Variants in ESCO2 observed in about 807,000 individuals in gnomAD.
ESCO2 encodes the protein establishment of sister chromatid cohesion N-acetyltransferase 2, also known as N-acetyltransferase ESCO2.
A neutral mutation model predicts 61.7 loss-of-function variants in ESCO2; 51 were observed. The observed-to-expected ratio is 0.83, with a 90% CI of 0.66 to 1.04. ESCO2 has a LOEUF of 1.04. Among genes scored for constraint, ESCO2 ranks in the 50% least tolerant of loss-of-function variants. ESCO2 has a pLI of 0.00. For synonymous variants in ESCO2, 230 were observed against 238.2 expected (o/e 0.97, Z 0.32); for missense variants, 692 against 686.2 (o/e 1.01, Z -0.09).
At chr8:27,809,322 C>T (rs1434510045), downstream of ESCO2, among the ~76,000 whole-genome samples, 2 of 152,120 alleles carry the variant, frequency 1.3e-5, no homozygotes, top group Non-Finnish European at 2.9e-5. Context: ...TACCAAAAGG[C>T]CTTCAGTGAT....
intron 5 of ESCO2, among the ~76,000 whole-genome samples, chr8:27,785,073 G>A (rs1197621390): frequency 2.0e-5 from 3 of 152,218 alleles, no homozygotes; most frequent in South Asian, 2.1e-4. Context: ...AATTTATTTG[G>A]CTCACAGTTA....
chr8:27,782,580 C>T (rs2128953017), intron 4 of ESCO2, among the ~76,000 whole-genome samples: 1 of 152,198 alleles, frequency 6.6e-6, no homozygotes, highest in Middle Eastern at 3.4e-3. Context: ...CTAATTCAGT[C>T]TCTTTTTCTA....
chr8:27,803,517 ATC>A lies in ESCO2; in HGVS notation c.*80_*81del, dbSNP rs1314769155. 37 of 1,565,950 alleles carry A rather than the reference ATC, an allele frequency of 2.4e-5. No homozygotes were observed. The highest frequency in any genetic ancestry group is 3.6e-4 in the Middle Eastern group (2 of 5,486). Reference sequence around the variant, plus strand: ...TATTATAAAATACAAACTATTTAATATCAAAATAAAAAATACCGAGACTCACA... The same window carrying A: ...TATTATAAAATACAAACTATTTAATAAAAATAAAAAATACCGAGACTCACA... On this transcript the variant is annotated 3_prime_UTR_variant, in exon 11 of 11. Transcript: ENST00000305188.
At chr8:27,783,023 T>C (rs1015880096) in intron 4 of ESCO2, among the ~76,000 whole-genome samples, 2 of 152,202 alleles carry the variant, frequency 1.3e-5, no homozygotes, top group Admixed American at 6.5e-5. Context: ...GTTCATTCTT[T>C]GTGATTTTTA....
At chr8:27,811,070 C>T (rs17057901), downstream of ESCO2, 2 of 1,613,194 alleles carry the variant, frequency 1.2e-6, no homozygotes, top group Admixed American at 1.7e-5. Context: ...TAACACCATT[C>T]TCCTCCACAG....
chr8:27,776,853 G>A lies in ESCO2; in HGVS notation c.545G>A (p.Cys182Tyr). 1 of 1,614,116 alleles carries A rather than the reference G, an allele frequency of 6.2e-7. No individual in the cohort carries two copies. The highest frequency in any genetic ancestry group is 8.5e-7 in the Non-Finnish European group (1 of 1,180,020). The change falls in exon 3 of 11, where the codon TGT becomes TAT. Residue 182 changes from cysteine (C) to tyrosine (Y), a missense_variant. Physicochemically the swap from Cys to Tyr is radical, Grantham distance 194. Transcript: ENST00000305188. Reference protein sequence around the residue: ...YKPIVEKENNCHSAENNSNAP... With the variant: ...YKPIVEKENNYHSAENNSNAP... ...CCAATTGTGGAGAAGGAAAATAATT[G>A]TCATTCAGCTGAAAATAATTCCAAT...
At chr8:27,793,209 C>A (rs578168206) in intron 9 of ESCO2, among the ~76,000 whole-genome samples, 5 of 152,206 alleles carry the variant, frequency 3.3e-5, no homozygotes, top group African/African-American at 1.2e-4. Context: ...CATGTAGTTT[C>A]TCCTTGTGTT....
downstream of ESCO2, among the ~76,000 whole-genome samples, chr8:27,806,221 A>G (rs2128959830): frequency 6.6e-6 from 1 of 152,318 alleles, no homozygotes; most frequent in African/African-American, 2.4e-5. Context: ...GGCAGAAGAC[A>G]TGCACAGAAA....
chr8:27,815,609 C>T (rs1165114490), downstream of ESCO2, among the ~76,000 whole-genome samples: 4 of 152,144 alleles, frequency 2.6e-5, no homozygotes, highest in African/African-American at 4.8e-5. Flanking sequence ...AGTATATACA[C>T]GTATATGTGT....
chr8:27,791,441 C>G (rs1262766305), intron 7 of ESCO2, among the ~76,000 whole-genome samples: 1 of 152,136 alleles, frequency 6.6e-6, no homozygotes, highest in East Asian at 1.9e-4. Context: ...CTTTTCAGTA[C>G]CATAATATTT....
In ESCO2 at chr8:27,803,904, AT is replaced by A. The variant is rs111395487; in HGVS notation, c.*481del. The A allele has an allele frequency of 0.23, 171,071 of 732,154 alleles. 6,286 individuals carry two copies. The highest frequency in any genetic ancestry group is 0.4 in the East Asian group (3,318 of 8,236). The allele number at this position is 732,154 out of a possible 1,614,324, so 45.4% of individuals were successfully genotyped here. A position where few individuals can be genotyped will look rare whatever the true frequency, so the allele number is the denominator to read the frequency against. The stretch of plus-strand genomic sequence containing the variant: ...CCCAATTTGTAAAGGGAATTCCTGA[AT>A]TTTTTTTTTTTTTTAATAGAGGCAT... On this transcript the variant is annotated 3_prime_UTR_variant, in exon 11 of 11. Transcript: ENST00000305188.
chr8:27,788,808 A>G (rs1189083582), intron 6 of ESCO2, 39 bp from the exon 7 acceptor site: 5 of 1,612,900 alleles, frequency 3.1e-6, no homozygotes, highest in Non-Finnish European at 4.2e-6. Context: ...TATTTGTGCT[A>G]TATTTAAATG....
At chr8:27,786,297 C>A (rs1025442745) in intron 5 of ESCO2, among the ~76,000 whole-genome samples, 1 of 152,196 alleles carries the variant, frequency 6.6e-6, no homozygotes, top group African/African-American at 2.4e-5. Flanking sequence ...TGAGCTTTTA[C>A]AGCCTTTTAT....
intron 10 of ESCO2, among the ~76,000 whole-genome samples, chr8:27,801,989 T>A (rs1805438302): frequency 6.7e-6 from 1 of 149,118 alleles, no homozygotes; most frequent in African/African-American, 2.5e-5. Context: ...TTTTTTTTTT[T>A]TTTGCCCAGT....
At chr8:27,784,154 T>G in intron 5 of ESCO2, 97 bp downstream of exon 5, 1 of 1,194,648 alleles carries the variant, frequency 8.4e-7, no homozygotes, top group African/African-American at 1.5e-5. Flanking sequence ...TGGGGAGTTT[T>G]TTTTTCTTCC....
In ESCO2 at chr8:27,776,894, A is replaced by G. The variant is rs950894228; in HGVS notation, c.586A>G (p.Ser196Gly). The G allele has an allele frequency of 6.2e-7, 1 of 1,614,078 alleles. No homozygotes were observed. Among genetic ancestry groups the G allele is most frequent in the African/African-American group, 1.3e-5 (1 of 74,928 alleles). The change falls in exon 3 of 11, where the codon AGC (serine) becomes GGC (glycine). Residue 196 changes from serine to glycine, a missense_variant. Ser to Gly is a moderately conservative substitution (Grantham distance 56). Transcript: ENST00000305188. ...TAATTCCAATGCTCCTCGGGTTCTG[A>G]GCCAAAAAATAAAACCACAAGTTAC... ...ENNSNAPRVL[S>G]QKIKPQVTLQ...
intron 10 of ESCO2, among the ~76,000 whole-genome samples, chr8:27,801,968 C>CCT (rs1805436474): frequency 1.4e-5 from 1 of 72,896 alleles, no homozygotes; most frequent in African/African-American, 4.4e-5. Context: ...TCCTTCATGG[C>CCT]ATTTTTTTTT....
At position 27,777,050 on chromosome 8, in the gene ESCO2, ACTGT is replaced by A. The variant is rs2128951287; in HGVS notation, c.744_747del (p.Ser250LysfsTer16). The A allele has an allele frequency of 7.5e-6, 12 of 1,608,974 alleles. No homozygotes were observed. The highest frequency in any genetic ancestry group is 9.3e-6 in the Non-Finnish European group (11 of 1,178,912). On this transcript the variant is annotated frameshift_variant, in exon 3 of 11. Coordinates refer to ENST00000305188, the MANE Select transcript of ESCO2 (RefSeq NM_001017420.3). LOFTEE classifies it high-confidence loss of function. ...AGTCATTGAAGATTCTGATGTAGAG[ACTGT>A]CAGTGAAAAAAAAACTTTTGCGACA...
downstream of ESCO2, among the ~76,000 whole-genome samples, chr8:27,811,506 T>C (rs949752703): frequency 2.6e-5 from 4 of 152,166 alleles, no homozygotes; most frequent in Non-Finnish European, 5.9e-5. Context: ...AATTTCTTCA[T>C]TTTGTGAACA....
Sources: allele counts gnomAD v4.1 joint callset (sites outside exome capture counted in the v4.1 genomes callset), GRCh38; gene constraint gnomAD v4.1.1; transcripts MANE v1.5; gene names NCBI Gene and HGNC (gene_info 2026-07-23, HGNC 2026-07-21).